Variants in NRK observed in about 807,000 individuals in gnomAD.
The protein encoded by NRK is Nik related kinase.
A neutral mutation model predicts 125.2 loss-of-function variants in NRK; 67 were observed. That is an observed-to-expected ratio of 0.54 (90% CI 0.44 to 0.66). The LOEUF is 0.66. NRK is among the 30% of genes least tolerant of loss of function. NRK has a pLI of 0.00. For synonymous variants in NRK, 458 were observed against 429.0 expected (o/e 1.07, Z -0.84); for missense variants, 1,224 against 1,192.9 (o/e 1.03, Z -0.38).
At chrX:105,827,413 G>A (rs1003689279) in intron 1 of NRK, among the ~76,000 whole-genome samples, 11 of 111,508 alleles carry the variant, frequency 9.9e-5, no homozygotes, top group African/African-American at 3.6e-4. Flanking sequence ...GACCATTTTT[G>A]GTTCCTTTTT....
chrX:105,915,555 T>C (rs1039299409), intron 14 of NRK, among the ~76,000 whole-genome samples, 175 bp from the exon 15 acceptor site: 1 of 111,397 alleles, frequency 9.0e-6, no homozygotes, highest in Non-Finnish European at 1.9e-5. Flanking sequence ...GAAATTATGG[T>C]TAAGCAAGTC....
At chrX:105,848,099 G>A (rs1307654748) in intron 2 of NRK, among the ~76,000 whole-genome samples, 1 of 111,961 alleles carries the variant, frequency 8.9e-6, no homozygotes, top group Non-Finnish European at 1.9e-5. Flanking sequence ...CTCTGAAGCT[G>A]AGGCAGATGA....
chrX:105,917,929 G>A (rs1177387346), intron 16 of NRK, among the ~76,000 whole-genome samples: 1 of 110,491 alleles, frequency 9.1e-6, no homozygotes, highest in Non-Finnish European at 1.9e-5. Context: ...AAGAAGGCGG[G>A]GGGAGTCAGC....
At position 105,909,616 on chromosome X, in the gene NRK, C is replaced by T. The variant is rs766829321; in HGVS notation, c.1975C>T (p.Leu659Phe). The T allele has an allele frequency of 8.3e-6, 10 of 1,202,240 alleles. No homozygotes were observed. The highest frequency in any genetic ancestry group is 1.1e-5 in the Non-Finnish European group (10 of 891,082). ...ACCAAACTCAAATAACTCAAAGCCA[C>T]TTGGTCCGTTGCAAACCCTGATGGA... ...RAPNSNNSKP[L>F]GPLQTLMENL... Residue 659 changes from leucine to phenylalanine, a missense_variant, in exon 13 of 29, where the codon CTT becomes TTT. Leu to Phe is a conservative substitution (Grantham distance 22). Transcript: ENST00000243300.
At chrX:105,926,509 A>C (rs899141295) in intron 19 of NRK, among the ~76,000 whole-genome samples, 2 of 111,074 alleles carry the variant, frequency 1.8e-5, no homozygotes, top group Non-Finnish European at 3.8e-5. Context: ...TTTTAGTGTG[A>C]TATAATTCTA....
chrX:105,886,441 G>A (rs925973602), intron 4 of NRK, among the ~76,000 whole-genome samples: 36 of 101,894 alleles, frequency 3.5e-4, no homozygotes, highest in Admixed American at 8.8e-4. Flanking sequence ...TATATATACA[G>A]ATAATTATAT....
chrX:105,884,305 G>A (rs1187488032), intron 4 of NRK, among the ~76,000 whole-genome samples: 1 of 110,450 alleles, frequency 9.1e-6, no homozygotes, highest in Non-Finnish European at 1.9e-5. Context: ...AGAATGTTCT[G>A]CAACTGCCAG....
At chrX:105,870,185 A>G (rs1294625916) in intron 2 of NRK, among the ~76,000 whole-genome samples, 2 of 111,874 alleles carry the variant, frequency 1.8e-5, no homozygotes, top group Admixed American at 1.9e-4. Flanking sequence ...AAAAAAGAGA[A>G]TGTCATTGTG....
At chrX:105,873,466 C>T (rs1199255769) in intron 2 of NRK, among the ~76,000 whole-genome samples, 1 of 111,250 alleles carries the variant, frequency 9.0e-6, no homozygotes, top group Non-Finnish European at 1.9e-5. Flanking sequence ...TGCATCAGAC[C>T]ATTAAATAAC....
chrX:105,871,072 C>A (rs1174904291), intron 2 of NRK, among the ~76,000 whole-genome samples: 1 of 111,819 alleles, frequency 8.9e-6, no homozygotes, highest in East Asian at 2.8e-4. Context: ...AGGGTATCAA[C>A]TGCAAGTATT....
At chrX:105,923,891 C>CTATATATATATATATATATA (rs1204761152) in intron 18 of NRK, among the ~76,000 whole-genome samples, 2 of 47,866 alleles carry the variant, frequency 4.2e-5, no homozygotes, top group African/African-American at 8.0e-5. Flanking sequence ...TGTGATATCA[C>CTATATATATATATATATATA]TATATATATA....
At chrX:105,883,156 T>C (rs1234535707) in intron 4 of NRK, among the ~76,000 whole-genome samples, 1 of 112,393 alleles carries the variant, frequency 8.9e-6, no homozygotes, top group Non-Finnish European at 1.9e-5. Context: ...GGATATAATG[T>C]ACTTATGTGT....
rs2040071350 is a variant in NRK at position 105,895,485 on chromosome X, A to T, written c.542A>T (p.Gln181Leu). 1 of 1,203,258 alleles carries T rather than the reference A, an allele frequency of 8.3e-7. No individual in the cohort carries two copies. The highest frequency in any genetic ancestry group is 1.1e-6 in the Non-Finnish European group (1 of 887,571). The change falls in exon 7 of 29, where the codon CAG becomes CTG. Residue 181 changes from glutamine to leucine, a missense_variant. Coordinates refer to ENST00000243300, the MANE Select transcript of NRK (RefSeq NM_198465.4). ...HRVIHRDIKG[Q>L]NVLLTHNAEV... Reference sequence around the variant, plus strand: ...GTAATTCACCGGGACATCAAAGGTCAGAATGTGCTGCTGACTCATAATGCT... The same window carrying T: ...GTAATTCACCGGGACATCAAAGGTCTGAATGTGCTGCTGACTCATAATGCT...
At chrX:105,822,924 C>T (rs1365999932) in intron 1 of NRK, 22 bp downstream of exon 1, 3 of 1,139,853 alleles carry the variant, frequency 2.6e-6, no homozygotes, top group Admixed American at 2.6e-5. Context: ...ACGCCCGTCG[C>T]CCCCCGAAAT....
intron 2 of NRK, among the ~76,000 whole-genome samples, chrX:105,855,184 C>T (rs73247907): frequency 0.013 from 1,394 of 111,220 alleles, 17 homozygotes; most frequent in Non-Finnish European, 0.02. Context: ...TAGGTTGCCT[C>T]TCTGTGTTCT....
chrX:105,874,362 T>C (rs187817845), intron 2 of NRK, among the ~76,000 whole-genome samples: 69 of 112,322 alleles, frequency 6.1e-4, no homozygotes, highest in African/African-American at 2.1e-3. Context: ...GTAGACTTGT[T>C]GATCAGTTAG....
intron 2 of NRK, among the ~76,000 whole-genome samples, chrX:105,849,376 T>C (rs2039441680): frequency 9.0e-6 from 1 of 111,394 alleles, no homozygotes; most frequent in African/African-American, 3.3e-5. Context: ...AGTTGATATT[T>C]GGGTGGAGAG....
intron 2 of NRK, among the ~76,000 whole-genome samples, chrX:105,837,252 C>T (rs1045702355): frequency 9.0e-5 from 10 of 111,038 alleles, no homozygotes; most frequent in Non-Finnish European, 1.9e-4. Context: ...TATATCTGTA[C>T]GTATATTTAA....
At chrX:105,892,270 G>A (rs943112092) in intron 5 of NRK, among the ~76,000 whole-genome samples, 2 of 111,581 alleles carry the variant, frequency 1.8e-5, no homozygotes, top group Non-Finnish European at 3.8e-5. Context: ...ATTAAGCTGG[G>A]AAATGAGAAA....
Sources: allele counts gnomAD v4.1 joint callset (sites outside exome capture counted in the v4.1 genomes callset), GRCh38; gene constraint gnomAD v4.1.1; transcripts MANE v1.5; gene names NCBI Gene and HGNC (gene_info 2026-07-23, HGNC 2026-07-21).